The following STX6 variants were observed in gnomAD, a reference collection of about 807,000 sequenced individuals.
The protein encoded by STX6 is syntaxin-6.
Under a neutral mutation model 38.0 loss-of-function variants are expected in STX6, and 23 were observed. The observed-to-expected ratio is 0.60, with a 90% CI of 0.43 to 0.86. The LOEUF is 0.86. Among genes scored for constraint, STX6 ranks in the 40% least tolerant of loss-of-function variants. The probability of loss-of-function intolerance (pLI) is 0.00; values close to 1 mark genes in which losing one functional copy is unlikely to be tolerated. For synonymous variants in STX6, 123 were observed against 107.5 expected (o/e 1.14, Z -0.89); for missense variants, 274 against 312.9 (o/e 0.88, Z 0.94).
intron 7 of STX6, among the ~76,000 whole-genome samples, chr1:180,983,455 A>T (rs944852423): frequency 1.3e-5 from 2 of 152,220 alleles, no homozygotes; most frequent in African/African-American, 4.8e-5. Context: ...ATTTTTTAAA[A>T]TTTAAAATAT....
intron 2 of STX6, among the ~76,000 whole-genome samples, chr1:181,003,364 T>C (rs1479915552): frequency 6.6e-6 from 1 of 152,238 alleles, no homozygotes; most frequent in African/African-American, 2.4e-5. Context: ...GCCTGGCACA[T>C]AGTATACTCA....
At chr1:180,989,539 GA>G (rs908077147) in intron 5 of STX6, among the ~76,000 whole-genome samples, 3 of 150,322 alleles carry the variant, frequency 2.0e-5, no homozygotes, top group African/African-American at 7.3e-5. Flanking sequence ...AATTTTCGAA[GA>G]AAAAAATGAG....
At chr1:180,978,838 C>A (rs992290260) in intron 7 of STX6, among the ~76,000 whole-genome samples, 1 of 152,168 alleles carries the variant, frequency 6.6e-6, no homozygotes, top group Admixed American at 6.6e-5. Context: ...GCCTCACCAC[C>A]CCATCTATGG....
chr1:181,004,314 T>C (rs767706364), intron 2 of STX6, among the ~76,000 whole-genome samples: 1 of 152,208 alleles, frequency 6.6e-6, no homozygotes, highest in Non-Finnish European at 1.5e-5. Flanking sequence ...TGTATGTTAA[T>C]GGGATAATTG....
chr1:181,017,520 T>C (rs1266831996), intron 1 of STX6, among the ~76,000 whole-genome samples: 1 of 152,226 alleles, frequency 6.6e-6, no homozygotes, highest in Admixed American at 6.5e-5. Context: ...ACTTATACTC[T>C]GTCTCCACAT....
At chr1:181,006,586 C>T (rs2102323779) in intron 1 of STX6, among the ~76,000 whole-genome samples, 1 of 151,924 alleles carries the variant, frequency 6.6e-6, no homozygotes, top group East Asian at 1.9e-4. Flanking sequence ...ATGATAATCC[C>T]ACTGCTCCTG....
chr1:181,003,526 C>T (rs1656142926), intron 2 of STX6, among the ~76,000 whole-genome samples: 1 of 152,186 alleles, frequency 6.6e-6, no homozygotes, highest in African/African-American at 2.4e-5. Flanking sequence ...CCTGCCCCCT[C>T]ACATATTTGC....
At chr1:180,986,479 G>A (rs1458850271) in intron 6 of STX6, among the ~76,000 whole-genome samples, 1 of 152,160 alleles carries the variant, frequency 6.6e-6, no homozygotes, top group Non-Finnish European at 1.5e-5. Context: ...GCCACATGTG[G>A]CTAGTAGCTA....
chr1:181,001,146 A>C (rs185737934), intron 3 of STX6, among the ~76,000 whole-genome samples: 8 of 152,354 alleles, frequency 5.3e-5, no homozygotes, highest in African/African-American at 1.7e-4. Context: ...AAGAATATAT[A>C]AAGTTCAGTG....
chr1:181,013,242 T>C (rs1204560550), intron 1 of STX6, among the ~76,000 whole-genome samples: 1 of 152,128 alleles, frequency 6.6e-6, no homozygotes, highest in Non-Finnish European at 1.5e-5. Flanking sequence ...ATCTCAGCCA[T>C]TAGGGAGCTT....
intron 3 of STX6, 106 bp downstream of exon 3, chr1:181,002,499 TA>T: frequency 1.4e-6 from 1 of 705,274 alleles, no homozygotes; most frequent in Non-Finnish European, 2.4e-6. Flanking sequence ...AATTCATATT[TA>T]AAAAGTGGTT....
intron 3 of STX6, among the ~76,000 whole-genome samples, chr1:180,997,521 G>A (rs748579521): frequency 1.3e-5 from 2 of 152,120 alleles, no homozygotes; most frequent in Non-Finnish European, 2.9e-5. Flanking sequence ...ATGCTTGAGT[G>A]TAAAATACAT....
At chr1:180,980,427 A>C (rs936142895) in intron 7 of STX6, 2 of 152,076 alleles carry the variant, frequency 1.3e-5, no homozygotes, top group Non-Finnish European at 2.9e-5. Context: ...ACTTTGGTAG[A>C]CAGGTTGGCA....
At chr1:181,022,608 T>A in intron 1 of STX6, 31 bp downstream of exon 1, 2 of 1,602,320 alleles carry the variant, frequency 1.2e-6, no homozygotes, top group South Asian at 2.2e-5. Flanking sequence ...CGCCACCTCT[T>A]CCTCCGGTGG....
intron 1 of STX6, among the ~76,000 whole-genome samples, chr1:181,008,452 T>C (rs1162932496): frequency 6.6e-6 from 1 of 152,222 alleles, no homozygotes; most frequent in East Asian, 1.9e-4. Context: ...AGCATCTTGT[T>C]GGTGCTTAAA....
At chr1:181,007,614 G>A (rs1656260544) in intron 1 of STX6, among the ~76,000 whole-genome samples, 1 of 152,096 alleles carries the variant, frequency 6.6e-6, no homozygotes, top group African/African-American at 2.4e-5. Context: ...CTTGGGCTAG[G>A]GCTTAGGTTT....
intron 1 of STX6, among the ~76,000 whole-genome samples, chr1:181,019,616 C>T (rs1221905538): frequency 6.6e-6 from 1 of 152,128 alleles, no homozygotes; most frequent in Non-Finnish European, 1.5e-5. Context: ...AGAGCAGAGG[C>T]TAGATCAGTG....
intron 7 of STX6, among the ~76,000 whole-genome samples, chr1:180,979,173 T>C (rs925657077): frequency 6.6e-6 from 1 of 152,174 alleles, no homozygotes; most frequent in African/African-American, 2.4e-5. Flanking sequence ...ATGGGCTCAT[T>C]AGTAGGCTAA....
At chr1:181,017,243 A>T (rs1558101234) in intron 1 of STX6, among the ~76,000 whole-genome samples, 1 of 151,298 alleles carries the variant, frequency 6.6e-6, no homozygotes, top group African/African-American at 2.4e-5. Flanking sequence ...AAAAAAAAAA[A>T]TTAGCTGGGC....
Sources: gnomAD v4.1 joint callset for allele counts (sites outside exome capture counted in the v4.1 genomes callset) on GRCh38, gnomAD v4.1.1 for gene constraint, MANE v1.5 for transcripts, NCBI Gene and HGNC (gene_info 2026-07-23, HGNC 2026-07-21) for gene names.